Variants in IPCEF1 observed in about 807,000 individuals in gnomAD.
IPCEF1 encodes the protein interaction protein for cytohesin exchange factors 1, also known as interactor protein for cytohesin exchange factors 1.
IPCEF1 carries 31 observed loss-of-function variants against 50.9 expected under a neutral mutation model. That is an observed-to-expected ratio of 0.61 (90% CI 0.46 to 0.82). The LOEUF (loss-of-function observed/expected upper bound fraction) is 0.82. Ranked by LOEUF, IPCEF1 falls within the 40% of genes least tolerant of loss-of-function variation. The probability of loss-of-function intolerance (pLI) is 0.00; values close to 1 mark genes in which losing one functional copy is unlikely to be tolerated. For missense variants in IPCEF1, 458 were observed against 514.0 expected, an observed-to-expected ratio of 0.89 and a Z score of 1.05; for synonymous variants, 181 against 192.0, an observed-to-expected ratio of 0.94 and a Z score of 0.47.
intron 1 of IPCEF1, among the ~76,000 whole-genome samples, chr6:154,323,390 T>A (rs1194128768): frequency 1.3e-5 from 2 of 152,178 alleles, no homozygotes; most frequent in East Asian, 3.9e-4. Flanking sequence ...AAGTTGGTGG[T>A]GACAAGCTTT....
At chr6:154,232,461 G>A (rs1189768085) in intron 5 of IPCEF1, among the ~76,000 whole-genome samples, 1 of 151,946 alleles carries the variant, frequency 6.6e-6, no homozygotes, top group Non-Finnish European at 1.5e-5. Context: ...CCCATGCCAA[G>A]TGCCAGACCT....
At chr6:154,233,665 G>C (rs552105455) in intron 5 of IPCEF1, among the ~76,000 whole-genome samples, 1 of 152,254 alleles carries the variant, frequency 6.6e-6, no homozygotes, top group South Asian at 2.1e-4. Context: ...GGATACTGAG[G>C]CTCCAACAGG....
At position 154,249,626 on chromosome 6, in the gene IPCEF1, C is replaced by T. The variant is rs572786605; in HGVS notation, c.37-2138G>A. Among the ~76,000 whole-genome samples, 8 of 152,198 alleles carry T rather than the reference C, an allele frequency of 5.3e-5. No individual in the cohort carries two copies. In the East Asian group the frequency reaches 1.6e-3, roughly 30 times the overall value. On this transcript the variant is annotated intron_variant, in intron 3 of 11. Coordinates refer to ENST00000367220, the MANE Select transcript of IPCEF1 (RefSeq NM_001130700.2). ...AGATGAACAAATGAGAGGAAAGTCC[C>T]TGGAGGGCAGCGATGGGATCAGCCA...
intron 1 of IPCEF1, among the ~76,000 whole-genome samples, chr6:154,320,040 AT>A (rs1204756775): frequency 6.6e-6 from 1 of 152,208 alleles, no homozygotes; most frequent in Non-Finnish European, 1.5e-5. Context: ...CCGAGCACTA[AT>A]TTAGAATAAA....
intron 5 of IPCEF1, among the ~76,000 whole-genome samples, chr6:154,246,367 C>G (rs1415209830): frequency 6.6e-6 from 1 of 152,212 alleles, no homozygotes; most frequent in African/African-American, 2.4e-5. Context: ...CACTCCCTTC[C>G]TCCCCAGCCA....
At chr6:154,198,663 C>CACACACA (rs1491491022) in intron 10 of IPCEF1, among the ~76,000 whole-genome samples, 1 of 150,236 alleles carries the variant, frequency 6.7e-6, no homozygotes, top group East Asian at 1.9e-4. Context: ...CACACACACA[C>CACACACA]AACTTGTTCT....
At chr6:154,248,803 A>T (rs537981195) in intron 3 of IPCEF1, among the ~76,000 whole-genome samples, 72 of 152,168 alleles carry the variant, frequency 4.7e-4, no homozygotes, top group Non-Finnish European at 9.6e-4. Flanking sequence ...AGATTTTACA[A>T]GATTTATTTG....
chr6:154,333,528 AAT>A (rs111404687), intron 1 of IPCEF1, among the ~76,000 whole-genome samples: 3,193 of 151,774 alleles, frequency 0.021, 58 homozygotes, highest in Non-Finnish European at 0.032. Context: ...CGTGGGAGTT[AAT>A]ATACTTAATA....
chr6:154,345,804 A>G (rs1428001647), intron 1 of IPCEF1, among the ~76,000 whole-genome samples: 1 of 149,180 alleles, frequency 6.7e-6, no homozygotes, highest in Non-Finnish European at 1.5e-5. Context: ...TCTAAAATAT[A>G]TAATGTGTTA....
At chr6:154,348,767 A>T (rs535722241) in intron 1 of IPCEF1, among the ~76,000 whole-genome samples, 1 of 152,340 alleles carries the variant, frequency 6.6e-6, no homozygotes, top group East Asian at 1.9e-4. Flanking sequence ...TTGCACTCCC[A>T]GCGAATAAAC....
intron 9 of IPCEF1, among the ~76,000 whole-genome samples, chr6:154,212,367 T>C (rs192103968): frequency 1.3e-5 from 2 of 152,360 alleles, no homozygotes; most frequent in African/African-American, 4.8e-5. Context: ...CCTTTTTTCT[T>C]TCTGCTCTTT....
At chr6:154,228,100 T>C (rs1057176054) in intron 5 of IPCEF1, among the ~76,000 whole-genome samples, 1 of 152,164 alleles carries the variant, frequency 6.6e-6, no homozygotes, top group Non-Finnish European at 1.5e-5. Context: ...GATCCCCTGT[T>C]GCCTATTATA....
rs958728626 is a variant in IPCEF1 at position 154,299,714 on chromosome 6, A to G, written c.-61-9958T>C. Among the ~76,000 whole-genome samples, 13 of 141,040 alleles carry G rather than the reference A, an allele frequency of 9.2e-5. 2 individuals carry two copies. The highest frequency in any genetic ancestry group is 2.1e-4 in the Non-Finnish European group (13 of 62,922). The allele number at this position is 141,040 out of a possible 152,430, so 92.5% of individuals were successfully genotyped here. On this transcript the variant is annotated intron_variant, in intron 1 of 11. Transcript: ENST00000367220. ...CACCGTGGCACACATTTACCTATGT[A>G]ACCAACCTGCACATCCTGCACATGT...
At chr6:154,235,688 C>T (rs1010747603) in intron 5 of IPCEF1, among the ~76,000 whole-genome samples, 5 of 152,142 alleles carry the variant, frequency 3.3e-5, no homozygotes, top group Non-Finnish European at 7.3e-5. Flanking sequence ...TTCGTCTGTA[C>T]TATTAAAATA....
intron 5 of IPCEF1, among the ~76,000 whole-genome samples, chr6:154,227,727 T>C (rs994572704): frequency 6.6e-6 from 1 of 152,102 alleles, no homozygotes; most frequent in East Asian, 1.9e-4. Context: ...AAAAAAAAAT[T>C]AATTAATTAA....
chr6:154,336,941 G>A (rs764881513), intron 1 of IPCEF1, among the ~76,000 whole-genome samples: 61 of 152,124 alleles, frequency 4.0e-4, no homozygotes, highest in Non-Finnish European at 7.8e-4. Context: ...GCAGAGTAGA[G>A]TGACTATAGT....
rs1251334976 is a variant in IPCEF1 at position 154,256,038 on chromosome 6, G to T, written c.37-8550C>A. Among the ~76,000 whole-genome samples the T allele has an allele frequency of 2.0e-5, 3 of 152,020 alleles. No homozygotes were observed. The East Asian group carries it at 5.8e-4, about 29-fold the overall frequency. ...TCTATCTTTCTTAGCATTGTTATTT[G>T]TAAATGTGTTCTGGGATTTGTCTTA... On this transcript the variant is annotated intron_variant, in intron 3 of 11. Coordinates refer to ENST00000367220, the MANE Select transcript of IPCEF1 (RefSeq NM_001130700.2).
At chr6:154,200,307 T>G in intron 9 of IPCEF1, among the ~76,000 whole-genome samples, 1 of 152,160 alleles carries the variant, frequency 6.6e-6, no homozygotes, top group East Asian at 1.9e-4. Flanking sequence ...TCTTCAATGC[T>G]CTCCAGAAAC....
At chr6:154,342,160 A>T (rs1318065729) in intron 1 of IPCEF1, among the ~76,000 whole-genome samples, 3 of 152,112 alleles carry the variant, frequency 2.0e-5, no homozygotes, top group Non-Finnish European at 2.9e-5. Context: ...TGGACATGCC[A>T]ATTACACTTT....
Sources: allele counts gnomAD v4.1 joint callset (sites outside exome capture counted in the v4.1 genomes callset), GRCh38; gene constraint gnomAD v4.1.1; transcripts MANE v1.5; gene names NCBI Gene and HGNC (gene_info 2026-07-23, HGNC 2026-07-21).